The following DSEL variants were observed in gnomAD, a reference collection of about 807,000 sequenced individuals.
DSEL encodes dermatan-sulfate epimerase-like protein.
Under a neutral mutation model 96.6 loss-of-function variants are expected in DSEL, and 61 were observed. That is an observed-to-expected ratio of 0.63 (90% CI 0.51 to 0.78). The LOEUF is 0.78. DSEL is among the 30% of genes least tolerant of loss of function. The probability of loss-of-function intolerance (pLI) is 0.00; values close to 1 mark genes in which losing one functional copy is unlikely to be tolerated. For missense variants in DSEL, 1,320 were observed against 1,430.8 expected (o/e 0.92, Z 1.25); for synonymous variants, 514 against 502.0 (o/e 1.02, Z -0.32).
Position 67,511,365 on chromosome 18 carries a change from C to T in DSEL, c.3244G>A (p.Glu1082Lys). Residue 1082 changes from glutamate (E) to lysine (K), a missense_variant, in exon 2 of 2, where the codon GAA becomes AAA. Around this residue, in one of 3 missense-constraint regions of DSEL, gnomAD observed 986 missense variants for 1,066.4 expected, o/e 0.92. Transcript: ENST00000310045. ...TTTGATAATTCTTTCCTCAATGGTTCATACTCGAAAGCATAACCCGAATTT... is the reference window on the plus strand; with the variant it reads ...TTTGATAATTCTTTCCTCAATGGTTTATACTCGAAAGCATAACCCGAATTT... ...NLNSGYAFEY[E>K]PLRKELSKSK... 6.2e-7 allele frequency: 1 copy of T among 1,603,560 alleles called. No homozygotes were observed. Among genetic ancestry groups the T allele is most frequent in the Non-Finnish European group, 8.5e-7 (1 of 1,179,976 alleles).
Position 67,510,706 on chromosome 18 carries a change from T to C in DSEL, c.*264A>G. The C allele has an allele frequency of 2.3e-6, 1 of 429,864 alleles. No individual in the cohort carries two copies. The allele number at this position is 429,864 out of a possible 1,614,324, so 26.6% of individuals were successfully genotyped here. On this transcript the variant is annotated 3_prime_UTR_variant, in exon 2 of 2. Transcript: ENST00000310045. Reference sequence around the variant, plus strand: ...ATCTCCCCTGACCCCATGATATAACTTCATCTACCACTCTGTAGCAGAAAC... The same window carrying C: ...ATCTCCCCTGACCCCATGATATAACCTCATCTACCACTCTGTAGCAGAAAC...
rs2089435288 is a variant in DSEL, at chr18:67,510,466, T to G, written c.*504A>C. ...TTTCCTCAGTGATATCACTGAACAT[T>G]AAACACAGTAAAAGAAATTTTCTTT... is the stretch of plus-strand genomic sequence containing the variant. On this transcript the variant is annotated 3_prime_UTR_variant, in exon 2 of 2. Coordinates refer to ENST00000310045, the MANE Select transcript of DSEL (RefSeq NM_032160.3). 1 of 153,154 alleles carries G rather than the reference T, an allele frequency of 6.5e-6. No homozygotes were observed. The highest frequency in any genetic ancestry group is 1.5e-5 in the Non-Finnish European group (1 of 68,454). The allele number at this position is 153,154 out of a possible 1,614,324, so 9.5% of individuals were successfully genotyped here.
rs1027487366 is a variant in DSEL, at chr18:67,507,453, C to T, written c.*3517G>A. On this transcript the variant is annotated 3_prime_UTR_variant, in exon 2 of 2. Transcript: ENST00000310045. Reference sequence around the variant, plus strand: ...TTTTTCCTAAATCAACAAATGAAAACGTTTCTATTTCTGATCAAAGTTAAT... The same window carrying T: ...TTTTTCCTAAATCAACAAATGAAAATGTTTCTATTTCTGATCAAAGTTAAT... 3 of 148,964 alleles carry T rather than the reference C, an allele frequency of 2.0e-5. No individual in the cohort carries two copies. The highest frequency in any genetic ancestry group is 2.0e-4 in the East Asian group (1 of 5,062). The allele number at this position is 148,964 out of a possible 1,614,324, so 9.2% of individuals were successfully genotyped here. A position where few individuals can be genotyped will look rare whatever the true frequency, so the allele number is the denominator to read the frequency against.
chr18:67,514,475 T>G lies in DSEL; in HGVS notation c.134A>C (p.Gln45Pro). Reference sequence around the variant, plus strand: ...GTTGGGTCTGAAATCTTGCACTTTCTGTGTTTTAAACTGATCTATATCATC... The same window carrying G: ...GTTGGGTCTGAAATCTTGCACTTTCGGTGTTTTAAACTGATCTATATCATC... ...FTDDIDQFKT[Q>P]KVQDFRPNQK... Residue 45 changes from glutamine to proline, a missense_variant, in exon 2 of 2, where the codon CAG becomes CCG. Gln to Pro is a moderately conservative substitution (Grantham distance 76). Transcript: ENST00000310045. The G allele has an allele frequency of 6.2e-7, 1 of 1,614,188 alleles. No individual in the cohort carries two copies. Among genetic ancestry groups the G allele is most frequent in the Non-Finnish European group, 8.5e-7 (1 of 1,180,032 alleles).
chr18:67,514,640 C>T lies in DSEL; in HGVS notation c.-32G>A, dbSNP rs2089465582. 6.2e-7 allele frequency: 1 copy of T among 1,608,526 alleles called. No individual in the cohort carries two copies. The highest frequency in any genetic ancestry group is 1.7e-5 in the Admixed American group (1 of 59,536). On this transcript the variant is annotated 5_prime_UTR_variant, in exon 2 of 2. The change abolishes an upstream ATG in the 5' untranslated region. Transcript: ENST00000310045. ...TGGGGGAGCTCCTCCCTTAGGCATA[C>T]ATGTCAGATATGATGCTCAATGTGT...
rs2089427052 is a variant in DSEL, at chr18:67,509,052, G to T, written c.*1918C>A. On this transcript the variant is annotated 3_prime_UTR_variant, in exon 2 of 2. Coordinates refer to ENST00000310045, the MANE Select transcript of DSEL (RefSeq NM_032160.3). ...CCCGGCCGCCAACAGGTACATTTCT[G>T]TATTGTCTGTACAATGTTAAAATAA... 1 of 152,186 alleles carries T rather than the reference G, an allele frequency of 6.6e-6. No individual in the cohort carries two copies. Among genetic ancestry groups the T allele is most frequent in the Admixed American group, 6.5e-5 (1 of 15,270 alleles). 9.4% of individuals were successfully genotyped at this position (152,186 alleles called of 1,614,324 possible).
chr18:67,513,047 T>C lies in DSEL; in HGVS notation c.1562A>G (p.Glu521Gly). Residue 521 changes from glutamate to glycine, a missense_variant, in exon 2 of 2, where the codon GAA becomes GGA. By Grantham distance (98) the Glu-to-Gly change is moderately conservative (BLOSUM62 -2). This residue lies in a region of DSEL where 986 missense variants were observed against 1,066.4 expected (regional missense o/e 0.92). Coordinates refer to ENST00000310045, the MANE Select transcript of DSEL (RefSeq NM_032160.3). ...CNKPWEGQLG[E>G]CAQWLKWTGE... is the part of the protein sequence containing the mutation. ...AGTCCACTTAAGCCACTGCGCACAT[T>C]CTCCCAGTTGACCTTCCCAGGGCTT... is the stretch of plus-strand genomic sequence containing the variant. The C allele has an allele frequency of 6.2e-7, 1 of 1,614,102 alleles. No individual in the cohort carries two copies. The highest frequency in any genetic ancestry group is 8.5e-7 in the Non-Finnish European group (1 of 1,180,020).
At position 67,510,998 on chromosome 18, in the gene DSEL, C is replaced by T. The variant is rs200609098; in HGVS notation, c.3611G>A (p.Arg1204His). ...IENICWTLMD[R>H]LGYPKFMD is the part of the protein sequence containing the mutation. ...GTCCATAAACTTTGGATATCCTAGGCGATCCATCAGAGTCCAGCAGATGTT... is the reference window on the plus strand; with the variant it reads ...GTCCATAAACTTTGGATATCCTAGGTGATCCATCAGAGTCCAGCAGATGTT... The change falls in exon 2 of 2, where the codon CGC (arginine) becomes CAC (histidine). Residue 1204 changes from arginine (R) to histidine (H), a missense_variant. Arg to His is a conservative substitution (Grantham distance 29, BLOSUM62 0). Around this residue, in one of 3 missense-constraint regions of DSEL, gnomAD observed 986 missense variants for 1,066.4 expected, o/e 0.92. Transcript: ENST00000310045. 228 of 1,597,436 alleles carry T rather than the reference C, an allele frequency of 1.4e-4. No homozygotes were observed. Among genetic ancestry groups the T allele is most frequent in the Non-Finnish European group, 1.7e-4 (199 of 1,173,356 alleles).
At position 67,514,236 on chromosome 18, in the gene DSEL, G is replaced by A; in HGVS notation, c.373C>T (p.Leu125=). 1 of 1,614,192 alleles carries A rather than the reference G, an allele frequency of 6.2e-7. No homozygotes were observed. Among genetic ancestry groups the A allele is most frequent in the African/African-American group, 1.3e-5 (1 of 75,044 alleles). ...AKWNEIYGNN[L]PPLALYCLLC... is the part of the protein sequence containing the mutation. Reference sequence around the variant, plus strand: ...AAACAGTACAATGCTAAAGGAGGCAGATTGTTACCATAAATTTCATTCCAC... The same window carrying A: ...AAACAGTACAATGCTAAAGGAGGCAAATTGTTACCATAAATTTCATTCCAC... The change falls in exon 2 of 2, where the codon CTG becomes TTG. Residue 125 remains leucine, a synonymous_variant. Coordinates refer to ENST00000310045, the MANE Select transcript of DSEL (RefSeq NM_032160.3).
rs753419168 is a variant in DSEL, at chr18:67,512,161, A to T, written c.2448T>A (p.Leu816=). ...GACTACAAGTGCTCCACACATCCAA[A>T]AGCTCAATAAACCACAAGGCAATAA... ...ILVIALWFIE[L]LDVWSTCSQP... is the part of the protein sequence containing the mutation. Residue 816 remains leucine, a synonymous_variant, in exon 2 of 2, where the codon CTT becomes CTA. Coordinates refer to ENST00000310045, the MANE Select transcript of DSEL (RefSeq NM_032160.3). 1.2e-6 allele frequency: 2 copies of T among 1,614,186 alleles called. No individual in the cohort carries two copies. The highest frequency in any genetic ancestry group is 1.7e-6 in the Non-Finnish European group (2 of 1,180,028).
Position 67,512,768 on chromosome 18 carries a change from T to C in DSEL, c.1841A>G (p.Tyr614Cys), listed in dbSNP as rs545512975. ...NLDIDFKYIP[Y>C]KFMNRYNGAM... ...ACCATTATACCTATTCATAAACTTATATGGGATATATTTAAAATCAATATC... is the reference window on the plus strand; with the variant it reads ...ACCATTATACCTATTCATAAACTTACATGGGATATATTTAAAATCAATATC... Residue 614 changes from tyrosine to cysteine, a missense_variant, in exon 2 of 2, where the codon TAT (tyrosine) becomes TGT (cysteine). This residue lies in a region of DSEL where 986 missense variants were observed against 1,066.4 expected (regional missense o/e 0.92). Transcript: ENST00000310045. 6.8e-6 allele frequency: 11 copies of C among 1,613,882 alleles called. No individual in the cohort carries two copies. Among genetic ancestry groups the C allele is most frequent in the East Asian group, 2.2e-5 (1 of 44,882 alleles).
At position 67,510,912 on chromosome 18, in the gene DSEL, T is replaced by C. The variant is rs1056963111; in HGVS notation, c.*58A>G. 1.4e-6 allele frequency: 2 copies of C among 1,401,370 alleles called. No individual in the cohort carries two copies. Among genetic ancestry groups the C allele is most frequent in the Admixed American group, 2.3e-5 (1 of 44,034 alleles). The allele number at this position is 1,401,370 out of a possible 1,614,324, so 86.8% of individuals were successfully genotyped here. On this transcript the variant is annotated 3_prime_UTR_variant, in exon 2 of 2. Transcript: ENST00000310045. ...AGAATAAACAAACTCTTCTGATTCA[T>C]ATCCACAAAGTGGGTTGGTAAGTAT...
chr18:67,513,700 C>A lies in DSEL; in HGVS notation c.909G>T (p.Leu303Phe), dbSNP rs560661679. 6 of 1,614,110 alleles carry A rather than the reference C, an allele frequency of 3.7e-6. No homozygotes were observed. Among genetic ancestry groups the A allele is most frequent in the East Asian group, 4.5e-5 (2 of 44,882 alleles). Residue 303 changes from leucine (L) to phenylalanine (F), a missense_variant, in exon 2 of 2, where the codon TTG (leucine) becomes TTT (phenylalanine). Coordinates refer to ENST00000310045, the MANE Select transcript of DSEL (RefSeq NM_032160.3). ...AGTGCATCTTTAACCAGTTATTATC[C>A]AAGTTGTTGATATTAAAATGGCGCT... ...LAQRHFNINN[L>F]DNNWLKMHFW...
Position 67,511,910 on chromosome 18 carries a change from A to C in DSEL, c.2699T>G (p.Phe900Cys). ...IPETELEIDS[F>C]VDACEWKVSD... ...CACCTTCCATTCACAAGCATCTACAAATGAGTCGATTTCCAACTCAGTTTC... is the reference window on the plus strand; with the variant it reads ...CACCTTCCATTCACAAGCATCTACACATGAGTCGATTTCCAACTCAGTTTC... The change falls in exon 2 of 2, where the codon TTT becomes TGT. Residue 900 changes from phenylalanine to cysteine, a missense_variant. Physicochemically the swap from Phe to Cys is radical, Grantham distance 205. Around this residue, in one of 3 missense-constraint regions of DSEL, gnomAD observed 986 missense variants for 1,066.4 expected, o/e 0.92. Coordinates refer to ENST00000310045, the MANE Select transcript of DSEL (RefSeq NM_032160.3). The C allele has an allele frequency of 6.2e-7, 1 of 1,614,154 alleles. No homozygotes were observed. The highest frequency in any genetic ancestry group is 8.5e-7 in the Non-Finnish European group (1 of 1,180,032).
rs2089432957 is a variant in DSEL at position 67,510,116 on chromosome 18, T to C, written c.*854A>G. On this transcript the variant is annotated 3_prime_UTR_variant, in exon 2 of 2. Transcript: ENST00000310045. ...ACTGGGGGGAAAATGCCCCACAATA[T>C]TGAGAGTTCAGCGATTAGTAACTAC... The C allele has an allele frequency of 1.3e-5, 2 of 152,314 alleles. No homozygotes were observed. Among genetic ancestry groups the C allele is most frequent in the Middle Eastern group, 6.8e-3 (2 of 294 alleles). 9.4% of individuals were successfully genotyped at this position (152,314 alleles called of 1,614,324 possible). A position where few individuals can be genotyped will look rare whatever the true frequency, so the allele number is the denominator to read the frequency against.
Position 67,512,842 on chromosome 18 carries a change from C to G in DSEL, c.1767G>C (p.Arg589Ser), listed in dbSNP as rs201924019. ...CAGAATTTATTGGGGAATCTTCTTG[C>G]CTCTCAATATGATCAACAACTAGCA... The part of the protein sequence containing the change: ...QTLLVVDHIE[R>S]QEDSPINSVS... Residue 589 changes from arginine to serine, a missense_variant, in exon 2 of 2, where the codon AGG becomes AGC. Physicochemically the swap from Arg to Ser is moderately radical, Grantham distance 110. Coordinates refer to ENST00000310045, the MANE Select transcript of DSEL (RefSeq NM_032160.3). The G allele has an allele frequency of 3.8e-5, 61 of 1,613,968 alleles. No homozygotes were observed. In the East Asian group the frequency reaches 8.0e-4, roughly 21 times the overall value.
Position 67,515,298 on chromosome 18 carries a change from T to C in DSEL, c.-690A>G, listed in dbSNP as rs1333774813. 1 of 167,050 alleles carries C rather than the reference T, an allele frequency of 6.0e-6. No homozygotes were observed. The highest frequency in any genetic ancestry group is 2.4e-5 in the African/African-American group (1 of 41,466). The allele number at this position is 167,050 out of a possible 1,614,324, so 10.3% of individuals were successfully genotyped here. A position where few individuals can be genotyped will look rare whatever the true frequency, so the allele number is the denominator to read the frequency against. On this transcript the variant is annotated 5_prime_UTR_variant, in exon 2 of 2. An upstream start codon of the reference 5' UTR is lost. Coordinates refer to ENST00000310045, the MANE Select transcript of DSEL (RefSeq NM_032160.3). Reference sequence around the variant, plus strand: ...AATATTTTTCAGGCTTACTTACTCATCAGCCTATTATGACAAAGAGAAATC... The same window carrying C: ...AATATTTTTCAGGCTTACTTACTCACCAGCCTATTATGACAAAGAGAAATC...
chr18:67,507,484 C>A lies in DSEL; in HGVS notation c.*3486G>T, dbSNP rs1000297904. The A allele has an allele frequency of 6.6e-6, 1 of 151,652 alleles. No homozygotes were observed. The highest frequency in any genetic ancestry group is 2.4e-5 in the African/African-American group (1 of 41,258). 9.4% of individuals were successfully genotyped at this position (151,652 alleles called of 1,614,324 possible). On this transcript the variant is annotated 3_prime_UTR_variant, in exon 2 of 2. Coordinates refer to ENST00000310045, the MANE Select transcript of DSEL (RefSeq NM_032160.3). ...TATTTCTGATCAAAGTTAATCAAGC[C>A]AAACAAAGCAATTCAAAAATTATCA...
Position 67,511,620 on chromosome 18 carries a change from T to C in DSEL, c.2989A>G (p.Ser997Gly). Reference sequence around the variant, plus strand: ...CTTAAACTGAGCACAGGACGTGCACTTGGATAGTAAACCAGGTGTCTCCTC... The same window carrying C: ...CTTAAACTGAGCACAGGACGTGCACCTGGATAGTAAACCAGGTGTCTCCTC... Reference protein sequence around the residue: ...ALRRHLVYYPSARPVLSLSSG... With the variant: ...ALRRHLVYYPGARPVLSLSSG... The change falls in exon 2 of 2, where the codon AGT (serine) becomes GGT (glycine). Residue 997 changes from serine (S) to glycine (G), a missense_variant. This residue lies in a region of DSEL where 986 missense variants were observed against 1,066.4 expected (regional missense o/e 0.92). Coordinates refer to ENST00000310045, the MANE Select transcript of DSEL (RefSeq NM_032160.3). 2 of 1,614,214 alleles carry C rather than the reference T, an allele frequency of 1.2e-6. No individual in the cohort carries two copies. Among genetic ancestry groups the C allele is most frequent in the East Asian group, 2.2e-5 (1 of 44,876 alleles).
Sources: gnomAD v4.1 joint callset for allele counts on GRCh38, gnomAD v4.1.1 for gene constraint, gnomAD v4.1.1 regional missense constraint, MANE v1.5 for transcripts, NCBI Gene and HGNC (gene_info 2026-07-23, HGNC 2026-07-21) for gene names.